KCNIP1: variants seen among roughly 807,000 people sequenced by gnomAD.
KCNIP1 encodes the protein A-type potassium channel modulatory protein KCNIP1.
Under a neutral mutation model 33.0 loss-of-function variants are expected in KCNIP1, and 18 were observed. That is an observed-to-expected ratio of 0.55 (90% CI 0.38 to 0.81). The LOEUF is 0.81. Among genes scored for constraint, KCNIP1 ranks in the 30% least tolerant of loss-of-function variants. The probability of loss-of-function intolerance (pLI) is 0.00; values close to 1 mark genes in which losing one functional copy is unlikely to be tolerated. For missense variants in KCNIP1, 238 were observed against 271.6 expected (o/e 0.88, Z 0.87); for synonymous variants, 93 against 98.3 (o/e 0.95, Z 0.32).
chr5:170,700,991 A>G (rs1028217207), intron 1 of KCNIP1, among the ~76,000 whole-genome samples: 15 of 152,224 alleles, frequency 9.9e-5, no homozygotes, highest in African/African-American at 3.6e-4. Flanking sequence ...CAGTAGAACC[A>G]ACTTTCCAGA....
intron 1 of KCNIP1, chr5:170,385,261 G>A: frequency 6.3e-7 from 1 of 1,599,826 alleles, no homozygotes; most frequent in South Asian, 1.1e-5. Context: ...CCTTACAGAT[G>A]CCAGACCCTT....
chr5:170,658,457 C>T, intron 1 of KCNIP1, among the ~76,000 whole-genome samples: 1 of 152,206 alleles, frequency 6.6e-6, no homozygotes, highest in Non-Finnish European at 1.5e-5. Context: ...AAAGGTCCTA[C>T]CTCGCAATAC....
At chr5:170,525,848 C>T (rs555224611) in intron 1 of KCNIP1, among the ~76,000 whole-genome samples, 15 of 152,316 alleles carry the variant, frequency 9.8e-5, no homozygotes, top group African/African-American at 2.2e-4. Flanking sequence ...GGTGTTAGTT[C>T]GGGTCATGTT....
At chr5:170,688,194 A>G (rs1762607464) in intron 1 of KCNIP1, among the ~76,000 whole-genome samples, 1 of 152,204 alleles carries the variant, frequency 6.6e-6, no homozygotes, top group African/African-American at 2.4e-5. Flanking sequence ...TAGGAAGGGC[A>G]GTCCTAGTTA....
In KCNIP1 at chr5:170,489,407, C is replaced by T. The variant is rs1228197993; in HGVS notation, c.88+135443C>T. 1.3e-5 allele frequency among the ~76,000 whole-genome samples: 2 copies of T among 152,178 alleles called. No homozygotes were observed. Among genetic ancestry groups the T allele is most frequent in the Non-Finnish European group, 2.9e-5 (2 of 68,016 alleles). Reference sequence around the variant, plus strand: ...GCAGGTAAGGGCCTCGTGCAGGAGGCCCCTGGGCAAGGGCCGGCCCTTCTC... The same window carrying T: ...GCAGGTAAGGGCCTCGTGCAGGAGGTCCCTGGGCAAGGGCCGGCCCTTCTC... On this transcript the variant is annotated intron_variant, in intron 1 of 7. Transcript: ENST00000377360. This position sits in a 1 kb window ranked among gnomAD's most constrained non-coding sequence, Gnocchi z 4.3.
intron 1 of KCNIP1, among the ~76,000 whole-genome samples, chr5:170,585,887 C>A (rs1322080454): frequency 1.3e-5 from 2 of 152,232 alleles, no homozygotes; most frequent in Non-Finnish European, 2.9e-5. Context: ...CCAACCCTGG[C>A]CCTCCAAGCC....
chr5:170,647,105 G>A (rs970963195), intron 1 of KCNIP1, among the ~76,000 whole-genome samples: 4 of 152,064 alleles, frequency 2.6e-5, no homozygotes, highest in Admixed American at 6.6e-5. Context: ...GAAAGAAATC[G>A]AAGAAGAGCC....
intron 1 of KCNIP1, among the ~76,000 whole-genome samples, chr5:170,546,990 T>A (rs1266568738): frequency 6.6e-6 from 1 of 152,186 alleles, no homozygotes; most frequent in Non-Finnish European, 1.5e-5. Context: ...AAAAAATTTG[T>A]TTGCTCTCAT....
chr5:170,498,372 G>A (rs1057363191), intron 1 of KCNIP1, among the ~76,000 whole-genome samples: 12 of 152,090 alleles, frequency 7.9e-5, no homozygotes, highest in Admixed American at 2.0e-4. Flanking sequence ...AAACAAATCC[G>A]GGACTTTAAG....
At chr5:170,613,486 G>A (rs1337166901) in intron 1 of KCNIP1, among the ~76,000 whole-genome samples, 2 of 152,066 alleles carry the variant, frequency 1.3e-5, no homozygotes, top group Admixed American at 6.5e-5. Flanking sequence ...AGCAACAGAG[G>A]CATGAAAATA....
intron 1 of KCNIP1, among the ~76,000 whole-genome samples, chr5:170,481,149 A>G (rs752401962): frequency 2.2e-4 from 33 of 152,242 alleles, no homozygotes; most frequent in Non-Finnish European, 4.0e-4. Flanking sequence ...AAAATCTCAG[A>G]GCTTGACCAG....
At chr5:170,390,517 A>AAAAAAAAAAAAAAAAAAAAT in intron 1 of KCNIP1, among the ~76,000 whole-genome samples, 1 of 74,544 alleles carries the variant, frequency 1.3e-5, no homozygotes, top group African/African-American at 6.4e-5. Flanking sequence ...AAAAAAAACA[A>AAAAAAAAAAAAAAAAAAAAT]ATATATATAT....
intron 1 of KCNIP1, among the ~76,000 whole-genome samples, chr5:170,433,712 A>G (rs1755795593): frequency 6.6e-6 from 1 of 152,230 alleles, no homozygotes; most frequent in Non-Finnish European, 1.5e-5. Context: ...AAAGGAATAA[A>G]GGAAATCTGC....
At chr5:170,629,247 G>A (rs1483084600) in intron 1 of KCNIP1, among the ~76,000 whole-genome samples, 1 of 152,226 alleles carries the variant, frequency 6.6e-6, no homozygotes, top group African/African-American at 2.4e-5. Flanking sequence ...GGTAGGGCCT[G>A]AGGATTCCGA....
intron 1 of KCNIP1, among the ~76,000 whole-genome samples, chr5:170,473,102 T>C (rs1353900909): frequency 1.3e-5 from 2 of 152,336 alleles, no homozygotes; most frequent in East Asian, 1.9e-4. Flanking sequence ...TACTGTTTTT[T>C]GATTTTTTAT....
chr5:170,618,447 GAGAAAGGAAAGAAGAAA>G (rs1759471738), intron 1 of KCNIP1, among the ~76,000 whole-genome samples: 1 of 142,450 alleles, frequency 7.0e-6, no homozygotes, highest in African/African-American at 2.6e-5. Context: ...GAGAGGGAGG[GAGAAAGGAAAGAAGAAA>G]AGAAAGGAAA....
intron 1 of KCNIP1, chr5:170,378,580 G>T: frequency 2.0e-6 from 2 of 1,008,868 alleles, no homozygotes; most frequent in Non-Finnish European, 2.9e-6. Flanking sequence ...AGAAGACAGC[G>T]TGGATTGGAC....
chr5:170,698,329 A>C (rs1418153022), intron 1 of KCNIP1, among the ~76,000 whole-genome samples: 1 of 152,210 alleles, frequency 6.6e-6, no homozygotes, highest in African/African-American at 2.4e-5. Flanking sequence ...ATCTTAACCC[A>C]GTTCTATGTG....
Position 170,504,360 on chromosome 5 carries a change from G to C in KCNIP1, c.-213G>C, listed in dbSNP as rs993426642. On this transcript the variant is annotated 5_prime_UTR_variant, in exon 1 of 8. Coordinates refer to ENST00000328939, the MANE Select transcript of KCNIP1 (RefSeq NM_014592.4). This position sits in a 1 kb window ranked among gnomAD's most constrained non-coding sequence, Gnocchi z 6.0. ...GCGGTTCCGAAGGCTCGCGGGGAGC[G>C]GCTAGCCCTGAGTCCCTGCATGTGC... 9.2e-6 allele frequency: 13 copies of C among 1,411,610 alleles called. 1 individual carries two copies. The highest frequency in any genetic ancestry group is 8.8e-5 in the African/African-American group (6 of 68,292). 87.4% of individuals were successfully genotyped at this position (1,411,610 alleles called of 1,614,324 possible).
Sources: allele counts gnomAD v4.1 joint callset (sites outside exome capture counted in the v4.1 genomes callset), GRCh38; gene constraint gnomAD v4.1.1; non-coding constraint Gnocchi (gnomAD v3.1); transcripts MANE v1.5; gene names NCBI Gene and HGNC (gene_info 2026-07-23, HGNC 2026-07-21).